The following PLK1 variants were observed in gnomAD, a reference collection of about 807,000 sequenced individuals.
PLK1 encodes serine/threonine-protein kinase PLK1.
PLK1 carries 6 observed loss-of-function variants against 56.7 expected under a neutral mutation model. The observed-to-expected ratio is 0.11, with a 90% CI of 0.06 to 0.21. The LOEUF (loss-of-function observed/expected upper bound fraction) is 0.21, where lower values mean the gene tolerates loss of function less well. PLK1 is among the 10% of genes least tolerant of loss of function. The pLI, the probability that PLK1 is intolerant of heterozygous loss-of-function variation, is 1.00. For missense variants in PLK1, 546 were observed against 814.4 expected (o/e 0.67, Z 4.01); for synonymous variants, 298 against 325.0 (o/e 0.92, Z 0.89).
At chr16:23,680,885 A>G in intron 2 of PLK1, 29 bp from the exon 3 acceptor site, 1 of 1,590,916 alleles carries the variant, frequency 6.3e-7, no homozygotes, top group Middle Eastern at 1.7e-4. Context: ...CTGGCATCTA[A>G]GTACCAACTC....
In PLK1 at chr16:23,680,272, G is replaced by T; in HGVS notation, c.577+20G>T. On this transcript the variant is annotated intron_variant, in intron 2 of 9. Coordinates refer to ENST00000300093, the MANE Select transcript of PLK1 (RefSeq NM_005030.6). Reference sequence around the variant, plus strand: ...AAATAGGTGAGTTGCTGAGCCTGCAGGGGTGCTTGACATCACTACAAGAGG... The same window carrying T: ...AAATAGGTGAGTTGCTGAGCCTGCATGGGTGCTTGACATCACTACAAGAGG... 1 of 1,612,044 alleles carries T rather than the reference G, an allele frequency of 6.2e-7. No individual in the cohort carries two copies. The highest frequency in any genetic ancestry group is 1.1e-5 in the South Asian group (1 of 90,946).
rs201595431 is a variant in PLK1 at position 23,683,833 on chromosome 16, C to T, written c.817-37C>T. 2.8e-5 allele frequency: 43 copies of T among 1,532,592 alleles called. 2 individuals are homozygous for T. The African/African-American group carries it at 5.4e-4, about 19-fold the overall frequency. 94.9% of individuals were successfully genotyped at this position (1,532,592 alleles called of 1,614,324 possible). A position where few individuals can be genotyped will look rare whatever the true frequency, so the allele number is the denominator to read the frequency against. ...GCCGTACTGTACTCCAGGTCCCCTT[C>T]ACATTCTGCTTATGGCTGTCCCTCT... On this transcript the variant is annotated intron_variant, in intron 4 of 9. Coordinates refer to ENST00000300093, the MANE Select transcript of PLK1 (RefSeq NM_005030.6).
intron 5 of PLK1, 28 bp from the exon 6 acceptor site, chr16:23,687,441 A>G (rs1959446502): frequency 6.6e-7 from 1 of 1,523,618 alleles, no homozygotes; most frequent in African/African-American, 1.4e-5. Context: ...TGCCCTTCCC[A>G]ACGCCCCTGT....
intron 5 of PLK1, among the ~76,000 whole-genome samples, chr16:23,685,005 A>G (rs1156462610): frequency 1.1e-5 from 1 of 94,764 alleles, no homozygotes; most frequent in African/African-American, 4.1e-5. Flanking sequence ...TTTTTGAGAC[A>G]GGGTCTGGCT....
chr16:23,679,685 G>A, intron 1 of PLK1: 1 of 285,970 alleles, frequency 3.5e-6, no homozygotes, highest in Non-Finnish European at 6.6e-6. Context: ...GCCGCGCCCT[G>A]GGAGCTTCTG....
rs531171883 is a variant in PLK1, at chr16:23,678,901, C to G, written c.-32C>G. ...AGCGGAGCGGTGCGGAGGCTCTGCT[C>G]GGATCGAGGTCTGCAGCGCAGCTTC... On this transcript the variant is annotated 5_prime_UTR_variant, in exon 1 of 10. Transcript: ENST00000300093. 17 of 1,462,756 alleles carry G rather than the reference C, an allele frequency of 1.2e-5. No homozygotes were observed. The highest frequency in any genetic ancestry group is 2.4e-4 in the Middle Eastern group (1 of 4,128). The allele number at this position is 1,462,756 out of a possible 1,614,324, so 90.6% of individuals were successfully genotyped here. A position where few individuals can be genotyped will look rare whatever the true frequency, so the allele number is the denominator to read the frequency against.
chr16:23,680,555 T>C (rs554929171), intron 2 of PLK1, among the ~76,000 whole-genome samples: 2 of 152,342 alleles, frequency 1.3e-5, no homozygotes, highest in East Asian at 3.9e-4. Flanking sequence ...GGAAAACAGC[T>C]GTCCCCTTCA....
intron 3 of PLK1, among the ~76,000 whole-genome samples, 185 bp downstream of exon 3, chr16:23,681,243 G>A (rs1959326345): frequency 6.6e-6 from 1 of 152,306 alleles, no homozygotes; most frequent in African/African-American, 2.4e-5. Context: ...TATCCTGTCG[G>A]ATTTCTGCAG....
chr16:23,684,957 CTTTTTTTTTTTTTTTTT>C lies in PLK1; in HGVS notation c.1036+894_1036+910del, dbSNP rs71154221. Among the ~76,000 whole-genome samples, 547 of 56,878 alleles carry C rather than the reference CTTTTTTTTTTTTTTTTT, an allele frequency of 9.6e-3. 8 individuals are homozygous for C. The highest frequency in any genetic ancestry group is 0.034 in the African/African-American group (504 of 14,736). 37.3% of individuals were successfully genotyped at this position (56,878 alleles called of 152,430 possible). On this transcript the variant is annotated intron_variant, in intron 5 of 9. Coordinates refer to ENST00000300093, the MANE Select transcript of PLK1 (RefSeq NM_005030.6). ...ACAGGCGTGAACCACCAGGCCCGGCCTTTTTTTTTTTTTTTTTTTTTTTTTTTTTTTTTTTTTTTTTT... is the reference window on the plus strand; with the variant it reads ...ACAGGCGTGAACCACCAGGCCCGGCCTTTTTTTTTTTTTTTTTTTTTTTTT...
chr16:23,689,771 A>T lies in PLK1; in HGVS notation c.1609-89A>T. The stretch of plus-strand genomic sequence containing the variant: ...GGGTTGAATGTGGAGTGAGCGGCTC[A>T]GGTACCTATAACCTGTTGTGTCTTC... On this transcript the variant is annotated intron_variant, in intron 9 of 9. Coordinates refer to ENST00000300093, the MANE Select transcript of PLK1 (RefSeq NM_005030.6). The surrounding 1 kb of genome is among the most constrained non-coding windows in gnomAD (Gnocchi z 4.8). The T allele has an allele frequency of 6.6e-7, 1 of 1,521,442 alleles. No homozygotes were observed. The highest frequency in any genetic ancestry group is 9.0e-7 in the Non-Finnish European group (1 of 1,105,730). 94.2% of individuals were successfully genotyped at this position (1,521,442 alleles called of 1,614,324 possible).
chr16:23,680,012 G>T, intron 1 of PLK1, 72 bp from the exon 2 acceptor site: 2 of 1,086,116 alleles, frequency 1.8e-6, no homozygotes, highest in Non-Finnish European at 1.4e-6. Flanking sequence ...CCTTTGCCTG[G>T]TAACCCTCTC....
rs1049166027 is a variant in PLK1 at position 23,678,889 on chromosome 16, G to A, written c.-44G>A. On this transcript the variant is annotated 5_prime_UTR_variant, in exon 1 of 10. Transcript: ENST00000300093. ...AATTCGGGGAGGAGCGGAGCGGTGC[G>A]GAGGCTCTGCTCGGATCGAGGTCTG... 6.3e-6 allele frequency: 9 copies of A among 1,426,064 alleles called. No homozygotes were observed. The highest frequency in any genetic ancestry group is 8.3e-6 in the Non-Finnish European group (9 of 1,082,304). 88.3% of individuals were successfully genotyped at this position (1,426,064 alleles called of 1,614,324 possible).
intron 5 of PLK1, 38 bp from the exon 6 acceptor site, chr16:23,687,431 T>G: frequency 6.7e-7 from 1 of 1,503,620 alleles, no homozygotes; most frequent in Non-Finnish European, 9.0e-7. Context: ...GGGAGTCCCG[T>G]GCCCTTCCCA....
intron 5 of PLK1, among the ~76,000 whole-genome samples, 188 bp downstream of exon 5, chr16:23,684,277 T>A (rs1959389408): frequency 6.6e-6 from 1 of 152,220 alleles, no homozygotes; most frequent in Admixed American, 6.5e-5. Flanking sequence ...TTACCATGGC[T>A]GGATAAACGT....
At chr16:23,688,330 G>A (rs1356734251) in intron 6 of PLK1, among the ~76,000 whole-genome samples, 1 of 152,222 alleles carries the variant, frequency 6.6e-6, no homozygotes, top group Non-Finnish European at 1.5e-5. Context: ...CACAGTGTAA[G>A]CTCCGTGGAG....
At position 23,689,541 on chromosome 16, in the gene PLK1, G is replaced by C; in HGVS notation, c.1473G>C (p.Leu491=). The change falls in exon 9 of 10, where the codon CTG becomes CTC. Residue 491 remains leucine (L), a synonymous_variant. Transcript: ENST00000300093. This position sits in a 1 kb window ranked among gnomAD's most constrained non-coding sequence, Gnocchi z 4.8. ...YFRNYMSEHL[L]KAGANITPRE... is the part of the protein sequence containing the mutation. ...GCAATTACATGAGCGAGCACTTGCT[G>C]AAGGCAGGTGCCAACATCACGCCGC... The C allele has an allele frequency of 6.2e-7, 1 of 1,613,604 alleles. No individual in the cohort carries two copies. Among genetic ancestry groups the C allele is most frequent in the Non-Finnish European group, 8.5e-7 (1 of 1,179,728 alleles).
Position 23,683,909 on chromosome 16 carries a change from C to A in PLK1, c.856C>A (p.Leu286Ile). The A allele has an allele frequency of 1.9e-6, 3 of 1,614,184 alleles. No homozygotes were observed. Among genetic ancestry groups the A allele is most frequent in the East Asian group, 2.2e-5 (1 of 44,882 alleles). The change falls in exon 5 of 10, where the codon CTT becomes ATT. Residue 286 changes from leucine (L) to isoleucine (I), a missense_variant. Physicochemically the swap from Leu to Ile is conservative, Grantham distance 5. Transcript: ENST00000300093. ...PVAASLIQKM[L>I]QTDPTARPTI... Reference sequence around the variant, plus strand: ...GGCCGCCTCCCTCATCCAGAAGATGCTTCAGACAGATCCCACTGCCCGCCC... The same window carrying A: ...GGCCGCCTCCCTCATCCAGAAGATGATTCAGACAGATCCCACTGCCCGCCC...
intron 3 of PLK1, 36 bp from the exon 4 acceptor site, chr16:23,682,027 TG>T: frequency 9.3e-7 from 1 of 1,071,402 alleles, no homozygotes; most frequent in Non-Finnish European, 1.5e-6. Flanking sequence ...GGGTTGTGGC[TG>T]GGAGACTGGT....
chr16:23,680,903 C>G lies in PLK1; in HGVS notation c.578-11C>G. On this transcript the variant is annotated splice_polypyrimidine_tract_variant and intron_variant, in intron 2 of 9. Coordinates refer to ENST00000300093, the MANE Select transcript of PLK1 (RefSeq NM_005030.6). ...GCATCTAAGTACCAACTCTTCCTCC[C>G]TCTGTCCCAGGGGATTTTGGACTGG... 5 of 1,605,186 alleles carry G rather than the reference C, an allele frequency of 3.1e-6. No homozygotes were observed. Among genetic ancestry groups the G allele is most frequent in the Non-Finnish European group, 4.2e-6 (5 of 1,176,960 alleles).
Sources: gnomAD v4.1 joint callset for allele counts (sites outside exome capture counted in the v4.1 genomes callset) on GRCh38, gnomAD v4.1.1 for gene constraint, Gnocchi (gnomAD v3.1) non-coding constraint, MANE v1.5 for transcripts, NCBI Gene and HGNC (gene_info 2026-07-23, HGNC 2026-07-21) for gene names.